The following PCDHA3 variants were observed in gnomAD, a reference collection of about 807,000 sequenced individuals.
PCDHA3 encodes the protein protocadherin alpha-3.
Under a neutral mutation model 62.2 loss-of-function variants are expected in PCDHA3, and 41 were observed. The ratio of observed to expected loss-of-function variants is 0.66; its 90% CI spans 0.51 to 0.86. The LOEUF (loss-of-function observed/expected upper bound fraction) is 0.86. PCDHA3 is among the 40% of genes least tolerant of loss of function. The probability of loss-of-function intolerance (pLI) is 0.00; values close to 1 mark genes in which losing one functional copy is unlikely to be tolerated. For synonymous variants in PCDHA3, 640 were observed against 555.4 expected (o/e 1.15, Z -2.14); for missense variants, 1,304 against 1,241.2 (o/e 1.05, Z -0.76).
At chr5:140,810,208 C>T (rs1334242094) in intron 1 of PCDHA3, 1 of 152,202 alleles carries the variant, frequency 6.6e-6, no homozygotes, top group African/African-American at 2.4e-5. Context: ...AGTACTATTT[C>T]ATAAATATAC....
At chr5:140,955,124 CTG>C (rs1404094455) in intron 1 of PCDHA3, among the ~76,000 whole-genome samples, 1 of 152,016 alleles carries the variant, frequency 6.6e-6, no homozygotes. Context: ...TTCTGTTCCA[CTG>C]GTCTACACGT....
chr5:140,936,545 G>A (rs1456098221), intron 1 of PCDHA3, among the ~76,000 whole-genome samples: 1 of 152,202 alleles, frequency 6.6e-6, no homozygotes, highest in African/African-American at 2.4e-5. Context: ...ATAGTGCAAT[G>A]TAGAAGTCAA....
intron 1 of PCDHA3, chr5:140,862,568 C>A: frequency 2.1e-6 from 1 of 480,650 alleles, no homozygotes; most frequent in African/African-American, 2.0e-5. Context: ...AACCACAATG[C>A]CCTGGCGTTC....
chr5:140,805,790 A>G (rs1344400107), intron 1 of PCDHA3: 5 of 177,994 alleles, frequency 2.8e-5, no homozygotes, highest in African/African-American at 1.2e-4. Flanking sequence ...CTTTTTTTGT[A>G]TCTTTAGAAA....
intron 1 of PCDHA3, chr5:140,927,089 T>G: frequency 6.2e-7 from 1 of 1,612,460 alleles, no homozygotes; most frequent in Non-Finnish European, 8.5e-7. Flanking sequence ...GAGCTCTACT[T>G]CGGGGTGGAT....
intron 3 of PCDHA3, among the ~76,000 whole-genome samples, chr5:141,007,395 C>CAA (rs35800918): frequency 2.8e-4 from 27 of 94,848 alleles, no homozygotes; most frequent in South Asian, 7.0e-4. Context: ...TACTAAAATA[C>CAA]AAAAAAAAAA....
At chr5:140,833,606 GC>G (rs1377132981) in intron 1 of PCDHA3, among the ~76,000 whole-genome samples, 2 of 152,098 alleles carry the variant, frequency 1.3e-5, no homozygotes, top group African/African-American at 4.8e-5. Context: ...TTCTGCTAAA[GC>G]AAAAAATTCA....
chr5:140,868,792 CCATAAATAAG>C (rs2050654448), intron 1 of PCDHA3: 1 of 326,666 alleles, frequency 3.1e-6, no homozygotes, highest in African/African-American at 2.1e-5. Flanking sequence ...TCTGAATATT[CCATAAATAAG>C]CACGTTGGAA....
chr5:140,983,504 G>A (rs2097054493), intron 3 of PCDHA3, among the ~76,000 whole-genome samples: 1 of 152,160 alleles, frequency 6.6e-6, no homozygotes, highest in Non-Finnish European at 1.5e-5. Flanking sequence ...GCCATAATAT[G>A]CCTAGACACT....
At chr5:140,926,785 G>A in intron 1 of PCDHA3, 1 of 1,417,966 alleles carries the variant, frequency 7.1e-7, no homozygotes. Context: ...GTGACGGCCG[G>A]CAGGAGCGTG....
intron 1 of PCDHA3, among the ~76,000 whole-genome samples, chr5:140,854,875 T>A (rs2150323966): frequency 6.7e-6 from 1 of 150,054 alleles, no homozygotes; most frequent in African/African-American, 2.4e-5. Context: ...CAGAACTGTG[T>A]CTTTTGGGCA....
intron 1 of PCDHA3, chr5:140,883,268 T>G: frequency 6.2e-7 from 1 of 1,614,030 alleles, no homozygotes; most frequent in Non-Finnish European, 8.5e-7. Flanking sequence ...GGCGGGTCAT[T>G]GTACCCTTTT....
At chr5:140,830,114 G>A (rs2150181303) in intron 1 of PCDHA3, 1 of 1,613,542 alleles carries the variant, frequency 6.2e-7, no homozygotes, top group South Asian at 1.1e-5. Context: ...GAGTGGCCAG[G>A]CTCCAAAGGC....
chr5:140,909,585 T>C (rs1554193854), intron 1 of PCDHA3, among the ~76,000 whole-genome samples: 1 of 152,180 alleles, frequency 6.6e-6, no homozygotes, highest in Non-Finnish European at 1.5e-5. Context: ...GATATGTTTT[T>C]TGATTTACTA....
chr5:140,841,696 T>C lies in PCDHA3; in HGVS notation c.2394+38105T>C, dbSNP rs2150321005. The C allele has an allele frequency of 6.8e-6, 11 of 1,613,722 alleles. No homozygotes were observed. In the East Asian group the frequency reaches 1.8e-4, roughly 26 times the overall value. Reference sequence around the variant, plus strand: ...TCCATGTGGACGTGGAGGTGAAGGATGTTAATGACAACCCGCCAGTGTTCC... The same window carrying C: ...TCCATGTGGACGTGGAGGTGAAGGACGTTAATGACAACCCGCCAGTGTTCC... On this transcript the variant is annotated intron_variant, in intron 1 of 3. Coordinates refer to ENST00000522353, the MANE Select transcript of PCDHA3 (RefSeq NM_018906.3).
chr5:140,981,502 A>G (rs2096935392), intron 2 of PCDHA3, among the ~76,000 whole-genome samples: 2 of 152,218 alleles, frequency 1.3e-5, no homozygotes, highest in Non-Finnish European at 2.9e-5. Flanking sequence ...TGAACCTGGG[A>G]GGCAGAGGTT....
At chr5:140,808,379 G>C in intron 1 of PCDHA3, 1 of 1,614,190 alleles carries the variant, frequency 6.2e-7, no homozygotes, top group Middle Eastern at 1.7e-4. Flanking sequence ...CTTCAAGCTG[G>C]TGTCCACCTT....
At chr5:140,856,715 G>A (rs1233191211) in intron 1 of PCDHA3, 4 of 1,596,328 alleles carry the variant, frequency 2.5e-6, no homozygotes, top group Admixed American at 1.7e-5. Context: ...TGAATTTACC[G>A]GATCTGTTTC....
chr5:140,955,006 C>T (rs1304080416), intron 1 of PCDHA3, among the ~76,000 whole-genome samples: 1 of 152,154 alleles, frequency 6.6e-6, no homozygotes, highest in African/African-American at 2.4e-5. Flanking sequence ...AGCCAATTCT[C>T]CCAGCACCAT....
Sources: gnomAD v4.1 joint callset for allele counts (sites outside exome capture counted in the v4.1 genomes callset) on GRCh38, gnomAD v4.1.1 for gene constraint, MANE v1.5 for transcripts, NCBI Gene and HGNC (gene_info 2026-07-23, HGNC 2026-07-21) for gene names.